EPHA6: variants seen among roughly 807,000 people sequenced by gnomAD.
The protein encoded by EPHA6 is EPH receptor A6.
In EPHA6, 50 loss-of-function variants were observed where a neutral mutation model predicts 112.0. That is an observed-to-expected ratio of 0.45 (90% CI 0.36 to 0.56). The LOEUF is 0.56. EPHA6 is among the 20% of genes least tolerant of loss of function. The pLI is 0.00. For missense variants in EPHA6, 1,280 were observed against 1,417.4 expected (o/e 0.90, Z 1.56); for synonymous variants, 529 against 490.7 (o/e 1.08, Z -1.03).
chr3:96,866,439 T>C (rs921792868), intron 1 of EPHA6, among the ~76,000 whole-genome samples: 5 of 151,936 alleles, frequency 3.3e-5, no homozygotes, highest in Non-Finnish European at 7.4e-5. Context: ...AATCAAGAAA[T>C]CTGCTTTAAT....
chr3:97,448,561 C>T lies in EPHA6; in HGVS notation c.1732-7C>T. ...CATTTCCTTTCTCCTTTTTTTCTGT[C>T]CCCCAGGAACATGAGCAGCTGACCT... On this transcript the variant is annotated splice_polypyrimidine_tract_variant and splice_region_variant and intron_variant, in intron 6 of 17. Transcript: ENST00000389672. 1.2e-6 allele frequency: 2 copies of T among 1,608,212 alleles called. No homozygotes were observed. Among genetic ancestry groups the T allele is most frequent in the Non-Finnish European group, 1.7e-6 (2 of 1,177,890 alleles).
At chr3:97,616,358 C>T (rs564141451) in intron 13 of EPHA6, among the ~76,000 whole-genome samples, 34 of 152,092 alleles carry the variant, frequency 2.2e-4, no homozygotes, top group Non-Finnish European at 4.4e-4. Context: ...ACTCAAAAAG[C>T]CAGAGTGTCC....
chr3:97,383,599 GT>G (rs2085881181), intron 5 of EPHA6, among the ~76,000 whole-genome samples: 1 of 152,064 alleles, frequency 6.6e-6, no homozygotes, highest in African/African-American at 2.4e-5. Context: ...TTGAATAAAT[GT>G]TTAAACTTCC....
At chr3:97,668,969 C>T (rs897051886) in intron 14 of EPHA6, among the ~76,000 whole-genome samples, 2 of 128,038 alleles carry the variant, frequency 1.6e-5, no homozygotes, top group Admixed American at 1.7e-4. Flanking sequence ...CAATGAAAAT[C>T]CTTTTCTAAC....
chr3:97,511,224 TG>T (rs1191487384), intron 10 of EPHA6, among the ~76,000 whole-genome samples: 6 of 130,054 alleles, frequency 4.6e-5, no homozygotes, highest in African/African-American at 2.5e-4. Flanking sequence ...CACTGGGGTA[TG>T]AAAAAAAAAA....
chr3:97,141,743 TAAC>T (rs913431477), intron 3 of EPHA6, among the ~76,000 whole-genome samples: 19 of 151,572 alleles, frequency 1.3e-4, no homozygotes, highest in Non-Finnish European at 1.6e-4. Flanking sequence ...GAACTGAAAT[TAAC>T]AACCTAATAT....
intron 14 of EPHA6, among the ~76,000 whole-genome samples, chr3:97,644,955 G>A (rs989556043): frequency 6.6e-6 from 1 of 151,744 alleles, no homozygotes; most frequent in African/African-American, 2.4e-5. Context: ...GCATCATTCT[G>A]ATACCAAAGC....
chr3:97,300,356 G>T lies in EPHA6; in HGVS notation c.1606+56069G>T, dbSNP rs1044829217. Among the ~76,000 whole-genome samples the T allele has an allele frequency of 2.6e-5, 4 of 152,160 alleles. No individual in the cohort carries two copies. The East Asian group carries it at 7.7e-4, about 29-fold the overall frequency. ...ATTTTGAATGAAAACAAGAACATCT[G>T]TTGGTATCCAGGGTAAAGGACAGTA... On this transcript the variant is annotated intron_variant, in intron 5 of 17. Coordinates refer to ENST00000389672, the MANE Select transcript of EPHA6 (RefSeq NM_001080448.3).
At chr3:97,447,334 C>T (rs746368725) in intron 6 of EPHA6, among the ~76,000 whole-genome samples, 1 of 152,002 alleles carries the variant, frequency 6.6e-6, no homozygotes, top group Non-Finnish European at 1.5e-5. Flanking sequence ...GGTTTTCAGG[C>T]AAACACTAAA....
At chr3:97,515,108 C>A (rs2092427283) in intron 10 of EPHA6, among the ~76,000 whole-genome samples, 1 of 152,182 alleles carries the variant, frequency 6.6e-6, no homozygotes, top group Admixed American at 6.5e-5. Flanking sequence ...AAGACATTAA[C>A]CTGAGATAGT....
intron 3 of EPHA6, among the ~76,000 whole-genome samples, chr3:97,203,987 A>G (rs965951801): frequency 1.3e-5 from 2 of 152,168 alleles, no homozygotes; most frequent in Admixed American, 6.6e-5. Context: ...GTATAAAAAT[A>G]ATAAATGAAA....
chr3:96,836,900 T>C (rs1279422949), intron 1 of EPHA6, among the ~76,000 whole-genome samples: 2 of 152,144 alleles, frequency 1.3e-5, no homozygotes, highest in Non-Finnish European at 2.9e-5. Context: ...CACTTAATCC[T>C]CCTTTCACCC....
chr3:97,591,915 C>A (rs2093548608), intron 11 of EPHA6, among the ~76,000 whole-genome samples: 2 of 152,150 alleles, frequency 1.3e-5, no homozygotes, highest in African/African-American at 4.8e-5. Context: ...ATGATCTCTA[C>A]ACTGTTATTT....
intron 3 of EPHA6, among the ~76,000 whole-genome samples, chr3:97,030,616 G>T (rs1409932317): frequency 2.0e-5 from 3 of 151,948 alleles, no homozygotes; most frequent in African/African-American, 7.2e-5. Flanking sequence ...CTTAGAACTT[G>T]GGTGTAGAGA....
intron 5 of EPHA6, among the ~76,000 whole-genome samples, chr3:97,363,818 A>G (rs2084548149): frequency 6.6e-6 from 1 of 152,254 alleles, no homozygotes; most frequent in East Asian, 1.9e-4. Flanking sequence ...AAAAATATAC[A>G]TCCTTAAAAC....
At chr3:97,043,042 A>T (rs1050317045) in intron 3 of EPHA6, among the ~76,000 whole-genome samples, 1 of 152,190 alleles carries the variant, frequency 6.6e-6, no homozygotes, top group Non-Finnish European at 1.5e-5. Context: ...TCATATAAGT[A>T]ATTCTCTGAT....
chr3:97,280,994 T>C (rs2080265046), intron 5 of EPHA6, among the ~76,000 whole-genome samples: 1 of 152,210 alleles, frequency 6.6e-6, no homozygotes. Flanking sequence ...TAAATACATT[T>C]TTATCTACAT....
At chr3:97,171,393 T>C (rs930214942) in intron 3 of EPHA6, among the ~76,000 whole-genome samples, 13 of 152,106 alleles carry the variant, frequency 8.5e-5, no homozygotes, top group African/African-American at 3.1e-4. Flanking sequence ...TAATATCATT[T>C]GGTAGAATCT....
Position 97,275,789 on chromosome 3 carries a change from G to A in EPHA6, c.1606+31502G>A, listed in dbSNP as rs375045362. Reference sequence around the variant, plus strand: ...GATGGTAAGGGGTGCATGATCGGTCGCCAAGGAGGGAGTAGAGGTATCCCA... The same window carrying A: ...GATGGTAAGGGGTGCATGATCGGTCACCAAGGAGGGAGTAGAGGTATCCCA... On this transcript the variant is annotated intron_variant, in intron 5 of 17. Coordinates refer to ENST00000389672, the MANE Select transcript of EPHA6 (RefSeq NM_001080448.3). Among the ~76,000 whole-genome samples the A allele has an allele frequency of 3.0e-4, 45 of 149,776 alleles. 1 individual carries two copies. In the East Asian group the frequency reaches 8.2e-3, roughly 27 times the overall value.
Sources: allele counts gnomAD v4.1 joint callset (sites outside exome capture counted in the v4.1 genomes callset), GRCh38; gene constraint gnomAD v4.1.1; transcripts MANE v1.5; gene names NCBI Gene and HGNC (gene_info 2026-07-23, HGNC 2026-07-21).